Variants in CISD1 observed in about 807,000 individuals in gnomAD.
CISD1 encodes CDGSH iron sulfur domain 1.
A neutral mutation model predicts 12.0 loss-of-function variants in CISD1; 8 were observed. That is an observed-to-expected ratio of 0.67 (90% CI 0.39 to 1.20). CISD1 has a LOEUF of 1.20. CISD1 is among the 50% of genes most tolerant of loss of function. The pLI, the probability that CISD1 is intolerant of heterozygous loss-of-function variation, is 0.01. For synonymous variants in CISD1, 38 were observed against 42.2 expected (o/e 0.90, Z 0.39); for missense variants, 107 against 132.7 (o/e 0.81, Z 0.95).
At chr10:58,286,220 A>G (rs1033640642) in intron 2 of CISD1, among the ~76,000 whole-genome samples, 2 of 151,294 alleles carry the variant, frequency 1.3e-5, no homozygotes, top group Non-Finnish European at 2.9e-5. Flanking sequence ...AAAAAAAAAA[A>G]GTAAAAAAAA....
At chr10:58,285,050 C>A (rs1839413917) in intron 2 of CISD1, among the ~76,000 whole-genome samples, 1 of 152,114 alleles carries the variant, frequency 6.6e-6, no homozygotes, top group African/African-American at 2.4e-5. Flanking sequence ...CTTTCCTCAT[C>A]CATGCCAAGA....
chr10:58,277,389 C>T (rs1839327421), intron 2 of CISD1, 67 bp downstream of exon 2: 1 of 1,090,822 alleles, frequency 9.2e-7, no homozygotes, highest in African/African-American at 1.6e-5. Context: ...ATTATTCTGT[C>T]AGACTTGTTC....
chr10:58,287,098 T>G lies in CISD1; in HGVS notation c.238-463T>G, dbSNP rs1191979811. Among the ~76,000 whole-genome samples, 4 of 152,234 alleles carry G rather than the reference T, an allele frequency of 2.6e-5. No individual in the cohort carries two copies. In the East Asian group the frequency reaches 7.7e-4, roughly 29 times the overall value. On this transcript the variant is annotated intron_variant, in intron 2 of 2. Coordinates refer to ENST00000333926, the MANE Select transcript of CISD1 (RefSeq NM_018464.5). ...ACCATGCCTGGCTAATTTTTGTATT[T>G]TTAGTAGAGACAGGGTTTCACCATG...
At chr10:58,286,080 C>A (rs1449161110) in intron 2 of CISD1, among the ~76,000 whole-genome samples, 1 of 151,566 alleles carries the variant, frequency 6.6e-6, no homozygotes, top group Non-Finnish European at 1.5e-5. Flanking sequence ...TGGCGGGCGC[C>A]TGTAGTCCCA....
At chr10:58,286,037 C>T (rs1839424764) in intron 2 of CISD1, among the ~76,000 whole-genome samples, 1 of 151,936 alleles carries the variant, frequency 6.6e-6, no homozygotes, top group African/African-American at 2.4e-5. Flanking sequence ...AACCCCGTCT[C>T]TACTAAAAAT....
intron 2 of CISD1, among the ~76,000 whole-genome samples, 193 bp from the exon 3 acceptor site, chr10:58,287,368 G>A (rs971285996): frequency 6.6e-6 from 1 of 152,150 alleles, no homozygotes; most frequent in African/African-American, 2.4e-5. Flanking sequence ...TAAATGATGT[G>A]TGTATTATGC....
intron 2 of CISD1, among the ~76,000 whole-genome samples, chr10:58,278,878 A>G (rs746635088): frequency 6.6e-6 from 1 of 152,250 alleles, no homozygotes; most frequent in Non-Finnish European, 1.5e-5. Flanking sequence ...CAGTTAAGTC[A>G]GTGACCCAAA....
intron 2 of CISD1, among the ~76,000 whole-genome samples, chr10:58,286,584 TATATG>T (rs1369049284): frequency 1.3e-5 from 2 of 152,254 alleles, no homozygotes; most frequent in Admixed American, 1.3e-4. Context: ...TCAAATGGGC[TATATG>T]ATATGTTTTT....
chr10:58,269,577 A>G (rs932956470), intron 1 of CISD1, among the ~76,000 whole-genome samples: 5 of 152,206 alleles, frequency 3.3e-5, no homozygotes, highest in African/African-American at 1.2e-4. Context: ...CCGCGCCGCT[A>G]GCTTTTCTTG....
intron 2 of CISD1, among the ~76,000 whole-genome samples, chr10:58,279,516 C>T (rs886500288): frequency 1.3e-5 from 2 of 152,068 alleles, no homozygotes; most frequent in African/African-American, 4.8e-5. Context: ...CCATTTTGTT[C>T]AAAAATTCCT....
chr10:58,269,182 T>C lies in CISD1; in HGVS notation c.-92T>C. 1 of 1,386,346 alleles carries C rather than the reference T, an allele frequency of 7.2e-7. No individual in the cohort carries two copies. Among genetic ancestry groups the C allele is most frequent in the Non-Finnish European group, 1.0e-6 (1 of 988,254 alleles). The allele number at this position is 1,386,346 out of a possible 1,614,324, so 85.9% of individuals were successfully genotyped here. On this transcript the variant is annotated 5_prime_UTR_variant, in exon 1 of 3. Transcript: ENST00000333926. ...GCGGTAGCATCGCGGAGTCGGTGCT[T>C]TAGTACGCCGCTGGCACCTTTACTC...
intron 1 of CISD1, among the ~76,000 whole-genome samples, chr10:58,275,307 A>G (rs1839300007): frequency 6.6e-6 from 1 of 152,210 alleles, no homozygotes; most frequent in African/African-American, 2.4e-5. Context: ...GGCATAGGAA[A>G]TGTTTTCTCA....
At position 58,287,929 on chromosome 10, in the gene CISD1, T is replaced by G. The variant is rs1159112797; in HGVS notation, c.*279T>G. 3.6e-6 allele frequency: 1 copy of G among 276,992 alleles called. No individual in the cohort carries two copies. The highest frequency in any genetic ancestry group is 6.7e-6 in the Non-Finnish European group (1 of 148,828). 17.2% of individuals were successfully genotyped at this position (276,992 alleles called of 1,614,324 possible). A position where few individuals can be genotyped will look rare whatever the true frequency, so the allele number is the denominator to read the frequency against. On this transcript the variant is annotated 3_prime_UTR_variant, in exon 3 of 3. Transcript: ENST00000333926. Reference sequence around the variant, plus strand: ...TCTTTAAAATACTGACATATAGAGTTGTACCTTATATAGAATATAGTTGTA... The same window carrying G: ...TCTTTAAAATACTGACATATAGAGTGGTACCTTATATAGAATATAGTTGTA...
At chr10:58,275,799 A>G (rs1285841789) in intron 1 of CISD1, among the ~76,000 whole-genome samples, 2 of 152,236 alleles carry the variant, frequency 1.3e-5, no homozygotes, top group Non-Finnish European at 2.9e-5. Context: ...TAAATAAACT[A>G]GAAAAGAAGA....
chr10:58,269,221 G>T lies in CISD1; in HGVS notation c.-53G>T. ...GCACCTTTACTCTCGCCGGCCGCGC[G>T]AACCCGTTTGAGCTCGGTATCCTAG... is the stretch of plus-strand genomic sequence containing the variant. On this transcript the variant is annotated 5_prime_UTR_variant, in exon 1 of 3. Transcript: ENST00000333926. 2 of 1,591,434 alleles carry T rather than the reference G, an allele frequency of 1.3e-6. No homozygotes were observed. Among genetic ancestry groups the T allele is most frequent in the Non-Finnish European group, 8.6e-7 (1 of 1,169,288 alleles).
chr10:58,283,823 C>T (rs938119588), intron 2 of CISD1, among the ~76,000 whole-genome samples: 3 of 152,096 alleles, frequency 2.0e-5, no homozygotes, highest in Admixed American at 6.5e-5. Context: ...GGTTAACAAA[C>T]ATAAAAGGAT....
At position 58,269,175 on chromosome 10, in the gene CISD1, C is replaced by G. The variant is rs2790171; in HGVS notation, c.-99C>G. ...CGCCTGCGCGGTAGCATCGCGGAGT[C>G]GGTGCTTTAGTACGCCGCTGGCACC... On this transcript the variant is annotated 5_prime_UTR_variant, in exon 1 of 3. Transcript: ENST00000333926. 1.5e-6 allele frequency: 2 copies of G among 1,302,882 alleles called. No individual in the cohort carries two copies. The highest frequency in any genetic ancestry group is 1.2e-5 in the South Asian group (1 of 84,178). The allele number at this position is 1,302,882 out of a possible 1,614,324, so 80.7% of individuals were successfully genotyped here.
At chr10:58,278,136 C>G (rs7073539) in intron 2 of CISD1, among the ~76,000 whole-genome samples, 1 of 152,150 alleles carries the variant, frequency 6.6e-6, no homozygotes, top group Admixed American at 6.5e-5. Flanking sequence ...TGATAAAATA[C>G]TGTCTCGAGC....
intron 2 of CISD1, among the ~76,000 whole-genome samples, chr10:58,277,817 G>A (rs1839332759): frequency 6.6e-6 from 1 of 152,082 alleles, no homozygotes; most frequent in Non-Finnish European, 1.5e-5. Context: ...CCCAGAAAGT[G>A]AAGTGTACAG....
Sources: gnomAD v4.1 joint callset for allele counts (sites outside exome capture counted in the v4.1 genomes callset) on GRCh38, gnomAD v4.1.1 for gene constraint, MANE v1.5 for transcripts, NCBI Gene and HGNC (gene_info 2026-07-23, HGNC 2026-07-21) for gene names.